The following ALCAM variants were observed in gnomAD, a reference collection of about 807,000 sequenced individuals.
ALCAM encodes activated leukocyte cell adhesion molecule, also known as CD166 antigen.
Under a neutral mutation model 70.9 loss-of-function variants are expected in ALCAM, and 30 were observed. The ratio of observed to expected loss-of-function variants is 0.42; its 90% CI spans 0.32 to 0.57. The LOEUF is 0.57. Ranked by LOEUF, ALCAM falls within the 20% of genes least tolerant of loss-of-function variation. ALCAM has a pLI of 0.11. For synonymous variants in ALCAM, 249 were observed against 242.5 expected (o/e 1.03, Z -0.25); for missense variants, 591 against 695.1 (o/e 0.85, Z 1.68).
At chr3:105,387,987 A>T (rs546269228) in intron 1 of ALCAM, among the ~76,000 whole-genome samples, 1 of 151,624 alleles carries the variant, frequency 6.6e-6, no homozygotes, top group South Asian at 2.1e-4. Flanking sequence ...AGCACTAAGC[A>T]TGTAACATTT....
chr3:105,526,622 G>A (rs557657957), intron 3 of ALCAM, among the ~76,000 whole-genome samples: 3 of 152,266 alleles, frequency 2.0e-5, no homozygotes, highest in South Asian at 2.1e-4. Flanking sequence ...GCTAGAAATC[G>A]TGAGACCCTC....
At chr3:105,378,019 G>A (rs1353410512) in intron 1 of ALCAM, among the ~76,000 whole-genome samples, 1 of 151,882 alleles carries the variant, frequency 6.6e-6, no homozygotes, top group Non-Finnish European at 1.5e-5. Flanking sequence ...ATTCCAACAA[G>A]TTTAAGCCTT....
chr3:105,522,647 G>A (rs116666714), intron 2 of ALCAM, among the ~76,000 whole-genome samples: 88 of 152,230 alleles, frequency 5.8e-4, no homozygotes, highest in Middle Eastern at 3.4e-3. Flanking sequence ...GGGATTGAAG[G>A]CTATCAAGAG....
chr3:105,393,703 G>A (rs1020459793), intron 1 of ALCAM, among the ~76,000 whole-genome samples: 1 of 151,838 alleles, frequency 6.6e-6, no homozygotes, highest in Non-Finnish European at 1.5e-5. Flanking sequence ...TGGAAAACCA[G>A]CATTTGGAAA....
intron 1 of ALCAM, among the ~76,000 whole-genome samples, chr3:105,400,662 A>G (rs977937391): frequency 7.9e-5 from 12 of 152,212 alleles, no homozygotes. Flanking sequence ...AAGTGAAGAA[A>G]TACTAAACAC....
intron 1 of ALCAM, among the ~76,000 whole-genome samples, chr3:105,454,589 C>T (rs1213450123): frequency 7.0e-6 from 1 of 143,326 alleles, no homozygotes; most frequent in Non-Finnish European, 1.5e-5. Context: ...CAAATAAGTT[C>T]TTCAACATTG....
chr3:105,514,543 A>G (rs549501350), intron 1 of ALCAM, among the ~76,000 whole-genome samples: 3 of 152,142 alleles, frequency 2.0e-5, no homozygotes, highest in South Asian at 2.1e-4. Flanking sequence ...ATTCTTTTCT[A>G]TGACATAATA....
intron 2 of ALCAM, among the ~76,000 whole-genome samples, chr3:105,520,822 A>G (rs1939516842): frequency 6.6e-6 from 1 of 152,206 alleles, no homozygotes. Flanking sequence ...AATTTAATTA[A>G]TCAATATTAA....
intron 1 of ALCAM, among the ~76,000 whole-genome samples, chr3:105,422,348 TA>T: frequency 6.6e-6 from 1 of 151,610 alleles, no homozygotes; most frequent in East Asian, 1.9e-4. Flanking sequence ...AAAAGTACTT[TA>T]AAACAACTAA....
At chr3:105,395,676 G>A (rs149056338) in intron 1 of ALCAM, among the ~76,000 whole-genome samples, 8 of 152,084 alleles carry the variant, frequency 5.3e-5, no homozygotes, top group East Asian at 1.9e-4. Flanking sequence ...GATATATAAC[G>A]AGGGAACAAG....
At chr3:105,408,701 G>C (rs953306471) in intron 1 of ALCAM, among the ~76,000 whole-genome samples, 1 of 151,988 alleles carries the variant, frequency 6.6e-6, no homozygotes, top group Non-Finnish European at 1.5e-5. Flanking sequence ...TAAATAGTTG[G>C]TACTTAATTA....
At chr3:105,524,160 A>T in intron 2 of ALCAM, 129 bp from the exon 3 acceptor site, 1 of 796,768 alleles carries the variant, frequency 1.3e-6, no homozygotes, top group East Asian at 2.7e-5. Context: ...AGACTTGTAT[A>T]AAAATTATTC....
intron 1 of ALCAM, among the ~76,000 whole-genome samples, chr3:105,501,343 A>C (rs1484850159): frequency 6.6e-6 from 1 of 152,234 alleles, no homozygotes; most frequent in Non-Finnish European, 1.5e-5. Context: ...GAATTATAGC[A>C]TAGTATGTGC....
At chr3:105,479,374 G>A (rs946015089) in intron 1 of ALCAM, among the ~76,000 whole-genome samples, 16 of 152,092 alleles carry the variant, frequency 1.1e-4, no homozygotes, top group African/African-American at 3.9e-4. Flanking sequence ...ATGGTGAATG[G>A]AGATAGTTTA....
chr3:105,380,924 T>G (rs1458845493), intron 1 of ALCAM, among the ~76,000 whole-genome samples: 2 of 151,964 alleles, frequency 1.3e-5, no homozygotes, highest in African/African-American at 2.4e-5. Flanking sequence ...TTAAAGTAAG[T>G]GCCCATTTTA....
At chr3:105,450,332 T>C (rs1937397315) in intron 1 of ALCAM, among the ~76,000 whole-genome samples, 2 of 152,190 alleles carry the variant, frequency 1.3e-5, no homozygotes, top group South Asian at 4.1e-4. Flanking sequence ...CCCTTTGCTC[T>C]CCAGAGCAGG....
intron 1 of ALCAM, among the ~76,000 whole-genome samples, chr3:105,462,444 TA>T (rs1937617197): frequency 6.6e-6 from 1 of 151,558 alleles, no homozygotes; most frequent in Admixed American, 6.6e-5. Flanking sequence ...CATGTATAAA[TA>T]ATTTTTTAAA....
At chr3:105,435,361 G>A (rs1937027450) in intron 1 of ALCAM, among the ~76,000 whole-genome samples, 1 of 152,096 alleles carries the variant, frequency 6.6e-6, no homozygotes, top group African/African-American at 2.4e-5. Flanking sequence ...ATTTAAATCC[G>A]AGTACTTTCC....
chr3:105,524,616 T>G (rs1482666978), intron 3 of ALCAM, 108 bp downstream of exon 3: 103 of 1,515,156 alleles, frequency 6.8e-5, no homozygotes, highest in South Asian at 1.8e-4. Context: ...ATAGCAGGTA[T>G]CTATATAAGG....
Sources: gnomAD v4.1 joint callset for allele counts (sites outside exome capture counted in the v4.1 genomes callset) on GRCh38, gnomAD v4.1.1 for gene constraint, MANE v1.5 for transcripts, NCBI Gene and HGNC (gene_info 2026-07-23, HGNC 2026-07-21) for gene names.